The following MCF2L variants were observed in gnomAD, a reference collection of about 807,000 sequenced individuals.
The protein encoded by MCF2L is guanine nucleotide exchange factor DBS.
Under a neutral mutation model 153.4 loss-of-function variants are expected in MCF2L, and 97 were observed. The observed-to-expected ratio is 0.63, with a 90% CI of 0.54 to 0.75. MCF2L has a LOEUF of 0.75. Ranked by LOEUF, MCF2L falls within the 30% of genes least tolerant of loss-of-function variation. MCF2L has a pLI of 0.00. For synonymous variants in MCF2L, 659 were observed against 632.2 expected (o/e 1.04, Z -0.64); for missense variants, 1,347 against 1,495.2 (o/e 0.90, Z 1.64).
intron 25 of MCF2L, among the ~76,000 whole-genome samples, chr13:113,088,915 C>T (rs916198822): frequency 3.3e-5 from 5 of 152,236 alleles, no homozygotes; most frequent in Admixed American, 3.3e-4. Flanking sequence ...CCCAGCACTC[C>T]TCAGACAGTC....
rs963540372 is a variant in MCF2L, at chr13:113,028,382, A to G, written c.278+3624A>G. On this transcript the variant is annotated intron_variant, in intron 3 of 29. Transcript: ENST00000535094. This position sits in a 1 kb window ranked among gnomAD's most constrained non-coding sequence, Gnocchi z 5.4. ...TTTATCCGATGTTCTGGAACCTTCC[A>G]TGGCCTCCTTGCTGCTGCCCCACTT... is the stretch of plus-strand genomic sequence containing the variant. 6.6e-6 allele frequency among the ~76,000 whole-genome samples: 1 copy of G among 152,184 alleles called. No homozygotes were observed. Among genetic ancestry groups the G allele is most frequent in the African/African-American group, 2.4e-5 (1 of 41,440 alleles).
Position 113,031,154 on chromosome 13 carries a change from CAGAG to C in MCF2L, c.278+6400_278+6403del, listed in dbSNP as rs767364794. Among the ~76,000 whole-genome samples the C allele has an allele frequency of 1.3e-4, 19 of 146,994 alleles. No individual in the cohort carries two copies. The highest frequency in any genetic ancestry group is 2.2e-4 in the South Asian group (1 of 4,552). ...AGAGACAGACAGAGACAGAGAGAGA[CAGAG>C]AGAAGAGACAGAGAGTGACAGACAG... is the stretch of plus-strand genomic sequence containing the variant. On this transcript the variant is annotated intron_variant, in intron 3 of 29. Transcript: ENST00000535094. This position sits in a 1 kb window ranked among gnomAD's most constrained non-coding sequence, Gnocchi z 5.5.
chr13:112,974,131 C>T (rs774009285), intron 1 of MCF2L, among the ~76,000 whole-genome samples: 10 of 152,220 alleles, frequency 6.6e-5, no homozygotes, highest in Non-Finnish European at 1.2e-4. Context: ...TCCACATCAC[C>T]TGCTGGCTTC....
chr13:112,963,054 C>T (rs1010881157), intron 2 of MCF2L, among the ~76,000 whole-genome samples: 5 of 152,234 alleles, frequency 3.3e-5, no homozygotes, highest in African/African-American at 7.2e-5. Flanking sequence ...GGGAGGTGGA[C>T]GAAGGGGTTC....
At chr13:112,980,006 C>G (rs1306727823) in intron 1 of MCF2L, among the ~76,000 whole-genome samples, 1 of 152,188 alleles carries the variant, frequency 6.6e-6, no homozygotes, top group Non-Finnish European at 1.5e-5. Context: ...CCTGGGCTTA[C>G]GAATTTCCGC....
chr13:113,096,842 T>C lies in MCF2L; in HGVS notation c.3361T>C (p.Ser1121Pro). Reference sequence around the variant, plus strand: ...CAGCGAGGGCGGCCAGGCCCCCTTCTCCGACCTGCAGGGGTAGCGCGGCCT... The same window carrying C: ...CAGCGAGGGCGGCCAGGCCCCCTTCCCCGACCTGCAGGGGTAGCGCGGCCT... ...SCSEGGQAPFSDLQG is the reference protein window; with the variant it reads ...SCSEGGQAPFPDLQG Residue 1121 changes from serine to proline, a missense_variant, in exon 30 of 30, where the codon TCC (serine) becomes CCC (proline). Ser to Pro is a moderately conservative substitution (Grantham distance 74, BLOSUM62 -1). This residue lies in a region of MCF2L where 383 missense variants were observed against 335.4 expected (regional missense o/e 1.14). Transcript: ENST00000535094. The C allele has an allele frequency of 4.0e-6, 6 of 1,503,774 alleles. No individual in the cohort carries two copies. The highest frequency in any genetic ancestry group is 5.3e-6 in the Non-Finnish European group (6 of 1,136,162). 93.2% of individuals were successfully genotyped at this position (1,503,774 alleles called of 1,614,324 possible).
chr13:113,033,294 TG>T, intron 3 of MCF2L, among the ~76,000 whole-genome samples: 1 of 120,222 alleles, frequency 8.3e-6, no homozygotes, highest in African/African-American at 3.4e-5. Flanking sequence ...GTGACATTAG[TG>T]GACCCCGTGG....
At position 113,064,914 on chromosome 13, in the gene MCF2L, T is replaced by A. The variant is rs1313838788; in HGVS notation, c.607-22T>A. On this transcript the variant is annotated intron_variant, in intron 6 of 29. Transcript: ENST00000535094. This position sits in a 1 kb window ranked among gnomAD's most constrained non-coding sequence, Gnocchi z 6.0. ...TGGGTGCAGTGCACAAGGCATGCAA[T>A]TGTGTTTTCTCTGTCCCCAAGGCCA... 1.9e-6 allele frequency: 3 copies of A among 1,604,612 alleles called. No individual in the cohort carries two copies. The highest frequency in any genetic ancestry group is 2.6e-6 in the Non-Finnish European group (3 of 1,175,044).
chr13:113,020,674 C>G (rs1010948926), intron 2 of MCF2L, among the ~76,000 whole-genome samples: 2 of 152,254 alleles, frequency 1.3e-5, no homozygotes, highest in African/African-American at 4.8e-5. Context: ...GCCTCCTCCC[C>G]TCCCACAAGC....
chr13:113,097,670 T>A lies in MCF2L; in HGVS notation c.*811T>A, dbSNP rs2035762775. On this transcript the variant is annotated 3_prime_UTR_variant, in exon 30 of 30. Coordinates refer to ENST00000535094, the MANE Select transcript of MCF2L (RefSeq NM_001112732.3). ...TTAACGTTCTTTTCTACAAAAAAAA[T>A]GCAGGGACTTGATTTTTTTAAAGAG... is the stretch of plus-strand genomic sequence containing the variant. The A allele has an allele frequency of 1.3e-5, 2 of 150,820 alleles. No individual in the cohort carries two copies. The highest frequency in any genetic ancestry group is 3.0e-5 in the Non-Finnish European group (2 of 67,692). 9.3% of individuals were successfully genotyped at this position (150,820 alleles called of 1,614,324 possible).
In MCF2L at chr13:113,084,974, C is replaced by T. The variant is rs763122027; in HGVS notation, c.2144C>T (p.Pro715Leu). The T allele has an allele frequency of 8.7e-6, 14 of 1,613,946 alleles. No homozygotes were observed. Among genetic ancestry groups the T allele is most frequent in the East Asian group, 6.7e-5 (3 of 44,882 alleles). Residue 715 changes from proline to leucine, a missense_variant, in exon 19 of 30, where the codon CCG becomes CTG. Physicochemically the swap from Pro to Leu is moderately conservative, Grantham distance 98 (BLOSUM62 -3). Coordinates refer to ENST00000535094, the MANE Select transcript of MCF2L (RefSeq NM_001112732.3). ...ESLWRQCSDC[P>L]FFQECQRKLD... ...CTGTGGAGACAGTGCTCCGACTGCC[C>T]GTTTTTCCAGGTTTGTCCCCGGACC...
intron 2 of MCF2L, among the ~76,000 whole-genome samples, chr13:112,938,208 G>A (rs1394777891): frequency 1.7e-5 from 2 of 120,772 alleles, no homozygotes; most frequent in Admixed American, 8.2e-5. Flanking sequence ...TCAGGTGAGC[G>A]CTGAGGGGTT....
At chr13:113,095,472 G>C in intron 27 of MCF2L, 1 of 1,074,848 alleles carries the variant, frequency 9.3e-7, no homozygotes, top group Non-Finnish European at 1.1e-6. Context: ...GGTGCACGGG[G>C]CCTGGGGAGG....
At chr13:113,037,948 C>T (rs2086249501) in intron 3 of MCF2L, among the ~76,000 whole-genome samples, 1 of 152,182 alleles carries the variant, frequency 6.6e-6, no homozygotes, top group African/African-American at 2.4e-5. Context: ...AACAGTCAGA[C>T]TCTTAAGCTG....
Position 113,024,644 on chromosome 13 carries a change from G to A in MCF2L, c.164G>A (p.Gly55Asp). 6.2e-7 allele frequency: 1 copy of A among 1,610,346 alleles called. No homozygotes were observed. Among genetic ancestry groups the A allele is most frequent in the South Asian group, 1.1e-5 (1 of 91,034 alleles). The change falls in exon 3 of 30, where the codon GGT becomes GAT. Residue 55 changes from glycine (G) to aspartate (D), a missense_variant and splice_region_variant. Gly to Asp is a moderately conservative substitution (Grantham distance 94, BLOSUM62 -1). Around this residue, in one of 3 missense-constraint regions of MCF2L, gnomAD observed 820 missense variants for 921.2 expected, o/e 0.89. Transcript: ENST00000535094. ...QLKKRFAYLS[G>D]GRGQDGSPVI... The stretch of plus-strand genomic sequence containing the variant: ...GGGTCTGCCTCTGGTCTCTCCCCAG[G>A]TGGGCGGGGGCAGGACGGAAGCCCG...
At chr13:113,075,641 G>GATT (rs988287864) in intron 11 of MCF2L, among the ~76,000 whole-genome samples, 1 of 152,128 alleles carries the variant, frequency 6.6e-6, no homozygotes, top group African/African-American at 2.4e-5. Flanking sequence ...AGCCAATAAT[G>GATT]ATTTCTTTAA....
At chr13:112,979,865 A>G in intron 1 of MCF2L, 2 of 970,294 alleles carry the variant, frequency 2.1e-6, no homozygotes, top group East Asian at 5.3e-5. Flanking sequence ...TCACCACTTG[A>G]CCAGCAAAAA....
rs139381606 is a variant in MCF2L, at chr13:113,035,060, G to A, written c.279-10211G>A. 2.0e-5 allele frequency among the ~76,000 whole-genome samples: 3 copies of A among 152,168 alleles called. No homozygotes were observed. Among genetic ancestry groups the A allele is most frequent in the Non-Finnish European group, 4.4e-5 (3 of 68,020 alleles). On this transcript the variant is annotated intron_variant, in intron 3 of 29. Transcript: ENST00000535094. The surrounding 1 kb of genome is among the most constrained non-coding windows in gnomAD (Gnocchi z 4.4). The stretch of plus-strand genomic sequence containing the variant: ...CCCCGTGAAGCCCCTCGGGAGGAAG[G>A]GTTCCTGTCCACGTTCAGCACCCCC...
intron 2 of MCF2L, among the ~76,000 whole-genome samples, chr13:112,913,103 G>A (rs1566633234): frequency 2.0e-5 from 3 of 150,910 alleles, no homozygotes; most frequent in Non-Finnish European, 3.0e-5. Flanking sequence ...GTCTATTTCT[G>A]TGTCTGTATG....
Sources: allele counts gnomAD v4.1 joint callset (sites outside exome capture counted in the v4.1 genomes callset), GRCh38; gene constraint gnomAD v4.1.1; regional missense constraint gnomAD v4.1.1; non-coding constraint Gnocchi (gnomAD v3.1); transcripts MANE v1.5; gene names NCBI Gene and HGNC (gene_info 2026-07-23, HGNC 2026-07-21).